The following ZNF431 variants were observed in gnomAD, a reference collection of about 807,000 sequenced individuals.
ZNF431 encodes the protein zinc finger protein 431.
In ZNF431, 34 loss-of-function variants were observed where a neutral mutation model predicts 57.0. That is an observed-to-expected ratio of 0.60 (90% CI 0.45 to 0.79). The LOEUF is 0.79. Ranked by LOEUF, ZNF431 falls within the 30% of genes least tolerant of loss-of-function variation. The pLI is 0.00. For synonymous variants in ZNF431, 207 were observed against 220.3 expected, an observed-to-expected ratio of 0.94 and a Z score of 0.54; for missense variants, 607 against 667.1, an observed-to-expected ratio of 0.91 and a Z score of 0.99.
chr19:21,186,606 T>G lies in ZNF431; in HGVS notation c.*2572T>G, dbSNP rs900855695. On this transcript the variant is annotated 3_prime_UTR_variant, in exon 5 of 5. Transcript: ENST00000311048. The stretch of plus-strand genomic sequence containing the variant: ...GTATTGAATTTATTACTGTACAGTC[T>G]ATGACTTAGAGTTCTGAATCTTCCC... 2.0e-5 allele frequency: 3 copies of G among 152,250 alleles called. No homozygotes were observed. Among genetic ancestry groups the G allele is most frequent in the Admixed American group, 1.3e-4 (2 of 15,282 alleles). 9.4% of individuals were successfully genotyped at this position (152,250 alleles called of 1,614,324 possible).
At position 21,194,012 on chromosome 19, in the gene ZNF431, G is replaced by T. The variant is rs1971558525; in HGVS notation, c.*9978G>T. The T allele has an allele frequency of 6.6e-6, 1 of 151,736 alleles. No homozygotes were observed. The highest frequency in any genetic ancestry group is 2.4e-5 in the African/African-American group (1 of 41,296). 9.4% of individuals were successfully genotyped at this position (151,736 alleles called of 1,614,324 possible). On this transcript the variant is annotated 3_prime_UTR_variant, in exon 5 of 5. Transcript: ENST00000311048. Reference sequence around the variant, plus strand: ...ATTTAACATAGTTCTGGAAGTGCTGGATAAATCTAACAAAATGAAAAAATA... The same window carrying T: ...ATTTAACATAGTTCTGGAAGTGCTGTATAAATCTAACAAAATGAAAAAATA...
At chr19:21,147,809 C>T (rs1970143629) in intron 2 of ZNF431, among the ~76,000 whole-genome samples, 1 of 152,224 alleles carries the variant, frequency 6.6e-6, no homozygotes, top group African/African-American at 2.4e-5. Flanking sequence ...ATTAGAATTA[C>T]AGGAGTTTCC....
chr19:21,147,559 A>T (rs903877682), intron 2 of ZNF431, among the ~76,000 whole-genome samples: 1 of 152,044 alleles, frequency 6.6e-6, no homozygotes, highest in African/African-American at 2.4e-5. Flanking sequence ...AAGAGTACCA[A>T]CACAAGATGA....
At chr19:21,171,534 T>TA in intron 4 of ZNF431, among the ~76,000 whole-genome samples, 1 of 152,026 alleles carries the variant, frequency 6.6e-6, no homozygotes, top group East Asian at 1.9e-4. Flanking sequence ...GATCAGATTA[T>TA]ATGTGTGTGT....
In ZNF431 at chr19:21,183,669, T is replaced by G. The variant is rs1418568606; in HGVS notation, c.1366T>G (p.Tyr456Asp). 1.9e-6 allele frequency: 3 copies of G among 1,613,554 alleles called. No individual in the cohort carries two copies. Among genetic ancestry groups the G allele is most frequent in the Non-Finnish European group, 2.5e-6 (3 of 1,180,020 alleles). The change falls in exon 5 of 5, where the codon TAC (tyrosine) becomes GAC (aspartate). Residue 456 changes from tyrosine (Y) to aspartate (D), a missense_variant. By Grantham distance (160) the Tyr-to-Asp change is radical (BLOSUM62 -3). Coordinates refer to ENST00000311048, the MANE Select transcript of ZNF431 (RefSeq NM_133473.4). ...HKIIHTGEKP[Y>D]KCEECGKAFS... ...GATAATTCATACTGGAGAGAAACCT[T>G]ACAAATGTGAAGAATGTGGCAAAGC...
chr19:21,184,238 T>G lies in ZNF431; in HGVS notation c.*204T>G. On this transcript the variant is annotated 3_prime_UTR_variant, in exon 5 of 5. Transcript: ENST00000311048. The stretch of plus-strand genomic sequence containing the variant: ...GGTGGCACGTGCCTGTATTCCCATC[T>G]ACTCGGGAGGCTTAGGCAGGATAAT... 2.2e-6 allele frequency: 1 copy of G among 454,820 alleles called. No individual in the cohort carries two copies. Among genetic ancestry groups the G allele is most frequent in the Non-Finnish European group, 3.9e-6 (1 of 259,544 alleles). The allele number at this position is 454,820 out of a possible 1,614,324, so 28.2% of individuals were successfully genotyped here. A position where few individuals can be genotyped will look rare whatever the true frequency, so the allele number is the denominator to read the frequency against.
At chr19:21,161,324 A>C (rs1236779528) in intron 2 of ZNF431, among the ~76,000 whole-genome samples, 2 of 152,136 alleles carry the variant, frequency 1.3e-5, no homozygotes, top group African/African-American at 2.4e-5. Flanking sequence ...TATTTGGGCC[A>C]CTTTTTTTGT....
At position 21,190,172 on chromosome 19, in the gene ZNF431, A is replaced by C. The variant is rs909151315; in HGVS notation, c.*6138A>C. On this transcript the variant is annotated 3_prime_UTR_variant, in exon 5 of 5. Coordinates refer to ENST00000311048, the MANE Select transcript of ZNF431 (RefSeq NM_133473.4). ...CAACAGAGTGAGACTCGGTCTCAAG[A>C]GGGAAAATAAGGCATTTTTCTCATT... is the stretch of plus-strand genomic sequence containing the variant. 3.1e-5 allele frequency: 10 copies of C among 323,792 alleles called. 1 individual carries two copies. The highest frequency in any genetic ancestry group is 6.4e-5 in the African/African-American group (3 of 46,826). The allele number at this position is 323,792 out of a possible 1,614,324, so 20.1% of individuals were successfully genotyped here.
chr19:21,151,909 A>G (rs1970284310), intron 2 of ZNF431, among the ~76,000 whole-genome samples: 2 of 152,292 alleles, frequency 1.3e-5, no homozygotes, highest in African/African-American at 2.4e-5. Flanking sequence ...TAGAGAGGCT[A>G]GAAGTCTCGT....
intron 2 of ZNF431, among the ~76,000 whole-genome samples, chr19:21,152,786 G>A (rs1230752245): frequency 6.6e-6 from 1 of 152,078 alleles, no homozygotes; most frequent in Non-Finnish European, 1.5e-5. Context: ...GCCGATTGGT[G>A]CACACAGATG....
chr19:21,178,678 G>C (rs919274143), intron 4 of ZNF431, among the ~76,000 whole-genome samples: 1 of 151,994 alleles, frequency 6.6e-6, no homozygotes, highest in African/African-American at 2.4e-5. Context: ...TTTGTATGTT[G>C]AACCAGCCTT....
chr19:21,166,382 G>A lies in ZNF431; in HGVS notation c.144G>A (p.Glu48=). Residue 48 remains glutamate, a synonymous_variant, in exon 3 of 5, where the codon GAG becomes GAA. Transcript: ENST00000311048. ...TGGCCATAGAATTCTCTCTGGAGGA[G>A]TGGGAATGCCTGAACCCTGCTCAGC... is the stretch of plus-strand genomic sequence containing the variant. The part of the protein sequence containing the change: ...RDVAIEFSLE[E]WECLNPAQQN... 1 of 1,612,586 alleles carries A rather than the reference G, an allele frequency of 6.2e-7. No individual in the cohort carries two copies. The highest frequency in any genetic ancestry group is 8.5e-7 in the Non-Finnish European group (1 of 1,179,672).
chr19:21,166,553 A>G (rs1970726179), intron 3 of ZNF431, 92 bp downstream of exon 3: 6 of 1,408,370 alleles, frequency 4.3e-6, no homozygotes, highest in East Asian at 2.4e-5. Flanking sequence ...TATGCTTTGT[A>G]TAAATGAGTT....
intron 4 of ZNF431, among the ~76,000 whole-genome samples, chr19:21,172,758 G>A (rs556370561): frequency 4.6e-5 from 7 of 152,156 alleles, no homozygotes; most frequent in Admixed American, 6.5e-5. Flanking sequence ...TAATTGTGCC[G>A]CTGCACTTTA....
rs145518961 is a variant in ZNF431 at position 21,180,138 on chromosome 19, C to T, written c.320-2485C>T. 6.5e-4 allele frequency among the ~76,000 whole-genome samples: 99 copies of T among 152,158 alleles called. 1 individual carries two copies. The highest frequency in any genetic ancestry group is 2.1e-3 in the African/African-American group (86 of 41,516). ...TGTCATGACTCTTTATCCAGCTTGC[C>T]CTTCTGTGTCTTTCAGTTGAGGTAT... On this transcript the variant is annotated intron_variant, in intron 4 of 4. Coordinates refer to ENST00000311048, the MANE Select transcript of ZNF431 (RefSeq NM_133473.4).
rs1437764377 is a variant in ZNF431 at position 21,182,766 on chromosome 19, A to C, written c.463A>C (p.Lys155Gln). The C allele has an allele frequency of 6.2e-7, 1 of 1,613,796 alleles. No individual in the cohort carries two copies. The highest frequency in any genetic ancestry group is 1.7e-5 in the Admixed American group (1 of 59,996). Residue 155 changes from lysine (K) to glutamine (Q), a missense_variant, in exon 5 of 5, where the codon AAG becomes CAG. Transcript: ENST00000311048. Reference protein sequence around the residue: ...RKGSASVDEYKVHKEGYNELN... With the variant: ...RKGSASVDEYQVHKEGYNELN... Reference sequence around the variant, plus strand: ...AGGCTCCGCAAGTGTAGATGAGTATAAGGTGCACAAAGAAGGTTATAATGA... The same window carrying C: ...AGGCTCCGCAAGTGTAGATGAGTATCAGGTGCACAAAGAAGGTTATAATGA...
chr19:21,183,687 G>T lies in ZNF431; in HGVS notation c.1384G>T (p.Gly462Cys). ...GAAACCTTACAAATGTGAAGAATGT[G>T]GCAAAGCTTTTAGCCAGTCATCAAT... Reference protein sequence around the residue: ...GEKPYKCEECGKAFSQSSILT... With the variant: ...GEKPYKCEECCKAFSQSSILT... Residue 462 changes from glycine to cysteine, a missense_variant, in exon 5 of 5, where the codon GGC becomes TGC. Physicochemically the swap from Gly to Cys is radical, Grantham distance 159 (BLOSUM62 -3). Transcript: ENST00000311048. The T allele has an allele frequency of 6.2e-7, 1 of 1,613,692 alleles. No individual in the cohort carries two copies. Among genetic ancestry groups the T allele is most frequent in the Non-Finnish European group, 8.5e-7 (1 of 1,179,986 alleles).
At chr19:21,168,143 C>G (rs1415680507) in intron 4 of ZNF431, among the ~76,000 whole-genome samples, 1 of 151,978 alleles carries the variant, frequency 6.6e-6, no homozygotes, top group Non-Finnish European at 1.5e-5. Flanking sequence ...TTACTATAGT[C>G]TTAAAATATA....
At chr19:21,180,223 T>C (rs1474507601) in intron 4 of ZNF431, among the ~76,000 whole-genome samples, 1 of 152,216 alleles carries the variant, frequency 6.6e-6, no homozygotes, top group East Asian at 1.9e-4. Context: ...GTCCAAGTAG[T>C]GCTAGCTGCT....
Sources: allele counts gnomAD v4.1 joint callset (sites outside exome capture counted in the v4.1 genomes callset), GRCh38; gene constraint gnomAD v4.1.1; transcripts MANE v1.5; gene names NCBI Gene and HGNC (gene_info 2026-07-23, HGNC 2026-07-21).